The following NR3C2 variants were observed in gnomAD, a reference collection of about 807,000 sequenced individuals.
The protein encoded by NR3C2 is mineralocorticoid receptor.
In NR3C2, 15 loss-of-function variants were observed where a neutral mutation model predicts 86.4. The observed-to-expected ratio is 0.17, with a 90% CI of 0.12 to 0.27. The LOEUF (loss-of-function observed/expected upper bound fraction) is 0.27. Ranked by LOEUF, NR3C2 falls within the 10% of genes least tolerant of loss-of-function variation. The pLI is 1.00. For missense variants in NR3C2, 960 were observed against 1,195.6 expected (o/e 0.80, Z 2.91); for synonymous variants, 458 against 450.5 (o/e 1.02, Z -0.21).
intron 3 of NR3C2, among the ~76,000 whole-genome samples, chr4:148,217,651 T>G (rs1737611240): frequency 6.6e-6 from 1 of 152,236 alleles, no homozygotes; most frequent in Admixed American, 6.5e-5. Context: ...TTGACCCCAG[T>G]TGATGTTTCT....
chr4:148,314,823 CATA>C (rs768791692), intron 2 of NR3C2, among the ~76,000 whole-genome samples: 43 of 152,210 alleles, frequency 2.8e-4, no homozygotes, highest in Non-Finnish European at 4.9e-4. Flanking sequence ...TCAAAATAAT[CATA>C]ATATCCTCAT....
intron 1 of NR3C2, among the ~76,000 whole-genome samples, chr4:148,440,820 C>A (rs72646904): frequency 1.3e-5 from 2 of 152,098 alleles, no homozygotes; most frequent in African/African-American, 4.8e-5. Context: ...AAGATCCTTG[C>A]GAATTTGTAT....
intron 2 of NR3C2, among the ~76,000 whole-genome samples, chr4:148,270,877 A>T (rs1740647171): frequency 6.6e-6 from 1 of 152,188 alleles, no homozygotes; most frequent in Non-Finnish European, 1.5e-5. Context: ...CTGCCACAGG[A>T]AATAGTTGTT....
In NR3C2 at chr4:148,234,556, G is replaced by A. The variant is rs151305442; in HGVS notation, c.1897+25422C>T. On this transcript the variant is annotated intron_variant, in intron 3 of 8. Transcript: ENST00000358102. Reference sequence around the variant, plus strand: ...AAATTAGCCAGGTATGGTGGCATGCGCCTGTAGTCCTAGCTACTTGGGAGG... The same window carrying A: ...AAATTAGCCAGGTATGGTGGCATGCACCTGTAGTCCTAGCTACTTGGGAGG... 5.0e-3 allele frequency among the ~76,000 whole-genome samples: 765 copies of A among 152,024 alleles called. 4 individuals carry two copies. Among genetic ancestry groups the A allele is most frequent in the African/African-American group, 0.017 (700 of 41,458 alleles).
intron 2 of NR3C2, among the ~76,000 whole-genome samples, chr4:148,367,078 A>G (rs1374122726): frequency 1.3e-5 from 2 of 152,210 alleles, no homozygotes; most frequent in African/African-American, 4.8e-5. Context: ...ACTGCATTTT[A>G]TCACTTCTAG....
intron 4 of NR3C2, among the ~76,000 whole-genome samples, chr4:148,168,169 A>C (rs72653835): frequency 1.7e-4 from 26 of 152,246 alleles, no homozygotes; most frequent in African/African-American, 6.3e-4. Flanking sequence ...AAACATCATT[A>C]AATGAGCCAC....
At chr4:148,156,436 T>G (rs1452637255) in intron 4 of NR3C2, among the ~76,000 whole-genome samples, 1 of 151,678 alleles carries the variant, frequency 6.6e-6, no homozygotes, top group Non-Finnish European at 1.5e-5. Context: ...AACAACCCCA[T>G]CAAAAAGTGG....
At chr4:148,341,170 C>A (rs1229088063) in intron 2 of NR3C2, among the ~76,000 whole-genome samples, 2 of 152,126 alleles carry the variant, frequency 1.3e-5, no homozygotes, top group Non-Finnish European at 2.9e-5. Context: ...GCACTATTCA[C>A]AATAGCCCAA....
chr4:148,342,569 A>G (rs1744798746), intron 2 of NR3C2, among the ~76,000 whole-genome samples: 1 of 152,152 alleles, frequency 6.6e-6, no homozygotes, highest in African/African-American at 2.4e-5. Context: ...CTGATCCATA[A>G]TAAGCCCCTT....
At chr4:148,285,646 G>T (rs1741483524) in intron 2 of NR3C2, among the ~76,000 whole-genome samples, 2 of 152,118 alleles carry the variant, frequency 1.3e-5, no homozygotes, top group South Asian at 4.1e-4. Flanking sequence ...GGCAGAGGTT[G>T]CAGTGAGCCA....
chr4:148,245,294 T>C (rs1241757766), intron 3 of NR3C2, among the ~76,000 whole-genome samples: 1 of 152,162 alleles, frequency 6.6e-6, no homozygotes, highest in Non-Finnish European at 1.5e-5. Context: ...TACCAGATCT[T>C]AATTTTATAG....
At chr4:148,192,228 G>A (rs1423054601) in intron 4 of NR3C2, among the ~76,000 whole-genome samples, 1 of 152,180 alleles carries the variant, frequency 6.6e-6, no homozygotes, top group Non-Finnish European at 1.5e-5. Context: ...GGTTTCCTGT[G>A]AGCCAAACTG....
chr4:148,235,262 T>TTATA (rs370271975), intron 3 of NR3C2, among the ~76,000 whole-genome samples: 1,616 of 143,724 alleles, frequency 0.011, 14 homozygotes, highest in Middle Eastern at 0.032. Context: ...TAAGTGGCAA[T>TTATA]TATATATATA....
chr4:148,298,441 T>C (rs1414107278), intron 2 of NR3C2, among the ~76,000 whole-genome samples: 1 of 152,186 alleles, frequency 6.6e-6, no homozygotes, highest in Non-Finnish European at 1.5e-5. Context: ...GATCACTATT[T>C]TTAGAATTGA....
chr4:148,133,975 ACT>A (rs1360352470), intron 6 of NR3C2, among the ~76,000 whole-genome samples: 1 of 152,130 alleles, frequency 6.6e-6, no homozygotes, highest in East Asian at 1.9e-4. Context: ...AGCTCCAGAG[ACT>A]CTGTTATCAT....
At chr4:148,184,203 C>A (rs572188860) in intron 4 of NR3C2, among the ~76,000 whole-genome samples, 205 of 151,908 alleles carry the variant, frequency 1.3e-3, no homozygotes, top group Non-Finnish European at 1.7e-3. Flanking sequence ...GTAATCCCAG[C>A]ACTTTGGGAG....
chr4:148,399,528 G>A (rs770295625), intron 2 of NR3C2, among the ~76,000 whole-genome samples: 5 of 151,618 alleles, frequency 3.3e-5, no homozygotes, highest in Admixed American at 6.6e-5. Flanking sequence ...TATCCATATC[G>A]AATTTTCAAA....
intron 2 of NR3C2, among the ~76,000 whole-genome samples, chr4:148,351,792 C>A (rs1276491614): frequency 2.6e-5 from 4 of 152,154 alleles, no homozygotes; most frequent in African/African-American, 9.7e-5. Context: ...TTTCATCAGT[C>A]ATAAAAGGGT....
At chr4:148,400,319 T>C (rs1352700433) in intron 2 of NR3C2, among the ~76,000 whole-genome samples, 3 of 152,224 alleles carry the variant, frequency 2.0e-5, no homozygotes, top group African/African-American at 7.2e-5. Context: ...CAGTAATGTA[T>C]ACTAATAGTT....
Sources: gnomAD v4.1 joint callset for allele counts (sites outside exome capture counted in the v4.1 genomes callset) on GRCh38, gnomAD v4.1.1 for gene constraint, MANE v1.5 for transcripts, NCBI Gene and HGNC (gene_info 2026-07-23, HGNC 2026-07-21) for gene names.